The following NTNG1 variants were observed in gnomAD, a reference collection of about 807,000 sequenced individuals.
NTNG1 encodes the protein netrin G1.
A neutral mutation model predicts 54.0 loss-of-function variants in NTNG1; 16 were observed. The ratio of observed to expected loss-of-function variants is 0.30; its 90% CI spans 0.20 to 0.45. NTNG1 has a LOEUF of 0.45. NTNG1 is among the 20% of genes least tolerant of loss of function. The probability of loss-of-function intolerance (pLI) is 1.00; values close to 1 mark genes in which losing one functional copy is unlikely to be tolerated. For missense variants in NTNG1, 530 were observed against 678.7 expected (o/e 0.78, Z 2.43); for synonymous variants, 255 against 263.1 (o/e 0.97, Z 0.30).
intron 3 of NTNG1, among the ~76,000 whole-genome samples, chr1:107,326,059 G>A (rs1000344075): frequency 6.6e-6 from 1 of 152,056 alleles, no homozygotes; most frequent in Non-Finnish European, 1.5e-5. Context: ...TATGTGTGCT[G>A]GGAGAAAGGT....
rs774406209 is a variant in NTNG1, at chr1:107,407,663, T to C, written c.1061-19T>C. 2 of 1,590,566 alleles carry C rather than the reference T, an allele frequency of 1.3e-6. No individual in the cohort carries two copies. The highest frequency in any genetic ancestry group is 2.3e-5 in the South Asian group (2 of 87,530). ...ATAAATAGCTAACAGCTTTTCTTTA[T>C]TGTTTTCTTTTTCTCCAGGTATCCC... On this transcript the variant is annotated intron_variant, in intron 4 of 7. Coordinates refer to ENST00000370068, the MANE Select transcript of NTNG1 (RefSeq NM_001113226.3).
At chr1:107,355,213 G>T (rs1183186954) in intron 3 of NTNG1, among the ~76,000 whole-genome samples, 1 of 147,392 alleles carries the variant, frequency 6.8e-6, no homozygotes, top group Non-Finnish European at 1.5e-5. Context: ...TGGTTATTTT[G>T]ATCTGATTGT....
chr1:107,454,639 T>C (rs1034954637), intron 7 of NTNG1, among the ~76,000 whole-genome samples: 1 of 152,112 alleles, frequency 6.6e-6, no homozygotes, highest in African/African-American at 2.4e-5. Flanking sequence ...AGACCCCATG[T>C]CACTTCACTA....
At chr1:107,338,170 G>A (rs192355236) in intron 3 of NTNG1, among the ~76,000 whole-genome samples, 1 of 151,980 alleles carries the variant, frequency 6.6e-6, no homozygotes, top group African/African-American at 2.4e-5. Flanking sequence ...GTAATTGACT[G>A]TTGAAATAAC....
chr1:107,222,777 G>A (rs895481306), intron 2 of NTNG1, among the ~76,000 whole-genome samples: 1 of 147,872 alleles, frequency 6.8e-6, no homozygotes, highest in African/African-American at 2.5e-5. Flanking sequence ...CCTGAGCCTA[G>A]AGAAAGGGAA....
chr1:107,347,667 T>G (rs1196051948), intron 3 of NTNG1, among the ~76,000 whole-genome samples: 1 of 152,182 alleles, frequency 6.6e-6, no homozygotes, highest in Non-Finnish European at 1.5e-5. Flanking sequence ...CACACTGCTA[T>G]GAAGAAATAC....
At chr1:107,155,857 T>C (rs1654953016) in intron 2 of NTNG1, among the ~76,000 whole-genome samples, 1 of 152,206 alleles carries the variant, frequency 6.6e-6, no homozygotes, top group African/African-American at 2.4e-5. Flanking sequence ...GAGATTAAAA[T>C]GCTGTATTTT....
chr1:107,185,526 T>A (rs1657389418), intron 2 of NTNG1, among the ~76,000 whole-genome samples: 1 of 152,206 alleles, frequency 6.6e-6, no homozygotes, highest in Non-Finnish European at 1.5e-5. Flanking sequence ...TAATCCAATA[T>A]GTCCTCATCT....
rs1678735998 is a variant in NTNG1 at position 107,481,893 on chromosome 1, G to T, written c.*1053G>T. 6.6e-6 allele frequency: 1 copy of T among 152,322 alleles called. No individual in the cohort carries two copies. Among genetic ancestry groups the T allele is most frequent in the African/African-American group, 2.4e-5 (1 of 41,382 alleles). The allele number at this position is 152,322 out of a possible 1,614,324, so 9.4% of individuals were successfully genotyped here. On this transcript the variant is annotated 3_prime_UTR_variant, in exon 8 of 8. Transcript: ENST00000370068. ...GTATTGCAATTTCTTAAGATGAAAG[G>T]AACAGCCACCAAGCAGTTTCACACT...
intron 3 of NTNG1, among the ~76,000 whole-genome samples, chr1:107,392,311 T>A (rs901744263): frequency 6.6e-6 from 1 of 151,938 alleles, no homozygotes. Flanking sequence ...ATATATTTAT[T>A]TGGGGTGGGG....
rs1414454230 is a variant in NTNG1 at position 107,148,571 on chromosome 1, A to C, written c.-23A>C. 1 of 1,609,832 alleles carries C rather than the reference A, an allele frequency of 6.2e-7. No homozygotes were observed. Among genetic ancestry groups the C allele is most frequent in the East Asian group, 2.2e-5 (1 of 44,818 alleles). On this transcript the variant is annotated 5_prime_UTR_variant, in exon 2 of 8. Transcript: ENST00000370068. ...AAAGCAAGCTCTGCTTTAGTTTCCA[A>C]GAAGATTACAAAGAATTTAGAGATG...
chr1:107,252,855 A>G (rs1662697414), intron 2 of NTNG1, among the ~76,000 whole-genome samples: 1 of 152,196 alleles, frequency 6.6e-6, no homozygotes, highest in Admixed American at 6.5e-5. Context: ...AATAACTTAG[A>G]ATATCCCTCC....
rs181061514 is a variant in NTNG1 at position 107,266,326 on chromosome 1, G to T, written c.247-57956G>T. Among the ~76,000 whole-genome samples, 406 of 152,200 alleles carry T rather than the reference G, an allele frequency of 2.7e-3. 1 individual carries two copies. The highest frequency in any genetic ancestry group is 9.1e-3 in the African/African-American group (379 of 41,552). ...AAGAAAATAGATTTAATTGGCTCAT[G>T]GTTCTGCGGGCTGTACAGGAAGCAA... On this transcript the variant is annotated intron_variant, in intron 2 of 7. Transcript: ENST00000370068.
At chr1:107,400,088 A>G (rs562887105) in intron 4 of NTNG1, among the ~76,000 whole-genome samples, 1 of 152,256 alleles carries the variant, frequency 6.6e-6, no homozygotes, top group African/African-American at 2.4e-5. Context: ...AATCTTTCTA[A>G]TAAATTCAGA....
chr1:107,352,039 C>A (rs1181528609), intron 3 of NTNG1, among the ~76,000 whole-genome samples: 1 of 152,246 alleles, frequency 6.6e-6, no homozygotes, highest in African/African-American at 2.4e-5. Flanking sequence ...AAGGGGTGGG[C>A]TCCCAAAGCC....
At chr1:107,334,994 G>C (rs775067447) in intron 3 of NTNG1, among the ~76,000 whole-genome samples, 7 of 151,878 alleles carry the variant, frequency 4.6e-5, no homozygotes, top group African/African-American at 1.4e-4. Flanking sequence ...CAACCAGATC[G>C]CAAAGCTTCA....
At chr1:107,371,215 T>A (rs1183627300) in intron 3 of NTNG1, among the ~76,000 whole-genome samples, 1 of 152,120 alleles carries the variant, frequency 6.6e-6, no homozygotes, top group East Asian at 1.9e-4. Context: ...TCTTTTGAGC[T>A]GATCTTGTGG....
At chr1:107,270,828 GA>G (rs1377984405) in intron 2 of NTNG1, among the ~76,000 whole-genome samples, 1 of 150,502 alleles carries the variant, frequency 6.6e-6, no homozygotes, top group Non-Finnish European at 1.5e-5. Flanking sequence ...ACATTTGCTG[GA>G]AAGTTTGTTT....
At chr1:107,231,751 G>C (rs1041168576) in intron 2 of NTNG1, among the ~76,000 whole-genome samples, 1 of 152,108 alleles carries the variant, frequency 6.6e-6, no homozygotes, top group African/African-American at 2.4e-5. Context: ...GCTGGTCCTC[G>C]GTGGCCTCTG....
Sources: gnomAD v4.1 joint callset for allele counts (sites outside exome capture counted in the v4.1 genomes callset) on GRCh38, gnomAD v4.1.1 for gene constraint, MANE v1.5 for transcripts, NCBI Gene and HGNC (gene_info 2026-07-23, HGNC 2026-07-21) for gene names.